The following HPD variants were observed in gnomAD, a reference collection of about 807,000 sequenced individuals.
HPD encodes the protein 4-hydroxyphenylpyruvate dioxygenase, also known as 4-hydroxyphenylpyruvic acid oxidase.
A neutral mutation model predicts 56.9 loss-of-function variants in HPD; 35 were observed. The ratio of observed to expected loss-of-function variants is 0.62; its 90% confidence interval spans 0.47 to 0.82. The LOEUF (loss-of-function observed/expected upper bound fraction) is 0.82, where lower values mean the gene tolerates loss of function less well. Among genes scored for constraint, HPD ranks in the 40% least tolerant of loss-of-function variants. The pLI is 0.00. For synonymous variants in HPD, 186 were observed against 200.2 expected (o/e 0.93, Z 0.60); for missense variants, 442 against 506.8 (o/e 0.87, Z 1.23).
intron 12 of HPD, among the ~76,000 whole-genome samples, chr12:121,843,060 G>A (rs1413014205): frequency 6.6e-6 from 1 of 152,112 alleles, no homozygotes; most frequent in Non-Finnish European, 1.5e-5. Context: ...AATGGATTTT[G>A]ATGATAGTTG....
chr12:121,884,170 TC>T, the HPD span, among the ~76,000 whole-genome samples: 1 of 105,460 alleles, frequency 9.5e-6, no homozygotes, highest in South Asian at 3.4e-4. Flanking sequence ...TCTTTTCCTC[TC>T]TTTTTTTTTT....
upstream of HPD, among the ~76,000 whole-genome samples, chr12:121,861,625 C>G (rs756239771): frequency 1.2e-4 from 19 of 152,170 alleles, no homozygotes; most frequent in Non-Finnish European, 2.5e-4. Context: ...AAGAGGCAAT[C>G]TCTAAATGGA....
upstream of HPD, among the ~76,000 whole-genome samples, chr12:121,866,590 G>A (rs572287574): frequency 2.0e-5 from 3 of 152,016 alleles, no homozygotes; most frequent in South Asian, 2.1e-4. Flanking sequence ...GCTGTTGGGA[G>A]CACCCCAAGC....
At chr12:121,849,554 G>T in intron 8 of HPD, 133 bp downstream of exon 8, 1 of 694,416 alleles carries the variant, frequency 1.4e-6, no homozygotes, top group Non-Finnish European at 2.6e-6. Context: ...AAGCACCCCT[G>T]AGGACTTCCA....
At chr12:121,843,900 G>T in intron 11 of HPD, 68 bp from the exon 12 acceptor site, 1 of 1,600,730 alleles carries the variant, frequency 6.2e-7, no homozygotes, top group South Asian at 1.1e-5. Flanking sequence ...AGGTGGAGGT[G>T]CTGGGTCATC....
chr12:121,883,682 C>CT, the HPD span, among the ~76,000 whole-genome samples: 19,560 of 138,712 alleles, frequency 0.14, 1,932 homozygotes, highest in African/African-American at 0.27. Flanking sequence ...TTCCTTCTTT[C>CT]TTTTTTTTTT....
upstream of HPD, among the ~76,000 whole-genome samples, chr12:121,864,483 C>T (rs188121630): frequency 7.7e-4 from 115 of 149,424 alleles, 1 homozygote; most frequent in South Asian, 1.7e-3. Flanking sequence ...AGCCCAGGAG[C>T]TTAAGACTGA....
chr12:121,888,115 A>G, the HPD span, among the ~76,000 whole-genome samples: 1 of 152,212 alleles, frequency 6.6e-6, no homozygotes, highest in Non-Finnish European at 1.5e-5. Flanking sequence ...AGCGTCTGGC[A>G]CATTATAAGT....
At chr12:121,842,233 C>T (rs368868395) in intron 12 of HPD, among the ~76,000 whole-genome samples, 1 of 152,192 alleles carries the variant, frequency 6.6e-6, no homozygotes, top group African/African-American at 2.4e-5. Flanking sequence ...AAGTGATCCT[C>T]TCACCTCAGC....
chr12:121,851,284 G>C (rs1352217538), intron 7 of HPD, among the ~76,000 whole-genome samples: 1 of 152,128 alleles, frequency 6.6e-6, no homozygotes, highest in Non-Finnish European at 1.5e-5. Context: ...AAAGTGCTGG[G>C]ATTACAGGCA....
chr12:121,846,774 G>T, intron 11 of HPD, 88 bp downstream of exon 11: 1 of 1,249,358 alleles, frequency 8.0e-7, no homozygotes, highest in Non-Finnish European at 1.2e-6. Context: ...ACGGGCCCAG[G>T]ACTGCCGCCA....
the HPD span, among the ~76,000 whole-genome samples, chr12:121,885,761 T>G: frequency 1.3e-5 from 2 of 151,044 alleles, no homozygotes; most frequent in Non-Finnish European, 3.0e-5. Flanking sequence ...TCAGGAGTTC[T>G]AGACCAGTCT....
At chr12:121,886,515 C>T in the HPD span, among the ~76,000 whole-genome samples, 2 of 150,202 alleles carry the variant, frequency 1.3e-5, no homozygotes, top group South Asian at 2.1e-4. Flanking sequence ...CCATAAGCAG[C>T]TTACAAAACA....
chr12:121,865,418 C>T (rs780315486), upstream of HPD, among the ~76,000 whole-genome samples: 89 of 150,956 alleles, frequency 5.9e-4, 1 homozygote, highest in South Asian at 8.4e-4. Context: ...TATGGGTGCC[C>T]GCCACCACAC....
chr12:121,853,632 AAAAAAAG>A (rs1410467303), intron 7 of HPD, among the ~76,000 whole-genome samples: 51 of 146,930 alleles, frequency 3.5e-4, no homozygotes, highest in African/African-American at 1.1e-3. Flanking sequence ...AAAAAAAAAA[AAAAAAAG>A]AAAAAAGAAA....
At chr12:121,843,627 C>T (rs984817817) in intron 12 of HPD, 83 bp downstream of exon 12, 28 of 1,542,700 alleles carry the variant, frequency 1.8e-5, no homozygotes, top group African/African-American at 1.2e-4. Flanking sequence ...GGCTCCCCTC[C>T]GGGCTGAGAC....
At position 121,839,722 on chromosome 12, in the gene HPD, C is replaced by G. The variant is rs762012648; in HGVS notation, c.*6G>C. ...GTGGCTGTGGCCTCCGTGGGGTGGG[C>G]GGGGCTTACATGCCGGGCACCACCC... On this transcript the variant is annotated 3_prime_UTR_variant, in exon 14 of 14. Transcript: ENST00000289004. 1.3e-6 allele frequency: 2 copies of G among 1,593,888 alleles called. No homozygotes were observed. Among genetic ancestry groups the G allele is most frequent in the Non-Finnish European group, 1.7e-6 (2 of 1,162,264 alleles).
At chr12:121,873,745 G>T in the HPD span, among the ~76,000 whole-genome samples, 1 of 151,904 alleles carries the variant, frequency 6.6e-6, no homozygotes, top group African/African-American at 2.4e-5. Context: ...GCGTGAACCC[G>T]GGAGGTGGAG....
At chr12:121,840,149 CTTTTTCTG>C in intron 12 of HPD, 101 bp from the exon 13 acceptor site, 1 of 809,646 alleles carries the variant, frequency 1.2e-6, no homozygotes, top group South Asian at 1.3e-5. Flanking sequence ...GAAATGACCT[CTTTTTCTG>C]GCAGTTCAGC....
Sources: allele counts gnomAD v4.1 joint callset (sites outside exome capture counted in the v4.1 genomes callset), GRCh38; gene constraint gnomAD v4.1.1; transcripts MANE v1.5; gene names NCBI Gene and HGNC (gene_info 2026-07-23, HGNC 2026-07-21).